Variants in PUS10 observed in about 807,000 individuals in gnomAD.
PUS10 encodes the protein tRNA pseudouridine synthase Pus10.
In PUS10, 59 loss-of-function variants were observed where a neutral mutation model predicts 75.0. The observed-to-expected ratio is 0.79, with a 90% CI of 0.64 to 0.98. The LOEUF is 0.98. Ranked by LOEUF, PUS10 falls within the 50% of genes least tolerant of loss-of-function variation. The pLI, the probability that PUS10 is intolerant of heterozygous loss-of-function variation, is 0.00. For synonymous variants in PUS10, 219 were observed against 211.6 expected, an observed-to-expected ratio of 1.03 and a Z score of -0.30; for missense variants, 650 against 614.4, an observed-to-expected ratio of 1.06 and a Z score of -0.61.
At chr2:60,999,493 C>T (rs1678705982) in intron 4 of PUS10, among the ~76,000 whole-genome samples, 1 of 152,080 alleles carries the variant, frequency 6.6e-6, no homozygotes, top group Admixed American at 6.6e-5. Flanking sequence ...GTGGCATGCA[C>T]CTGTGGTCCC....
chr2:61,012,771 T>C (rs1343453980), intron 1 of PUS10, among the ~76,000 whole-genome samples: 1 of 127,230 alleles, frequency 7.9e-6, no homozygotes, highest in Non-Finnish European at 1.6e-5. Context: ...GAGGTGGAGG[T>C]TGCAGTGAGC....
In PUS10 at chr2:60,945,054, C is replaced by T. The variant is rs1674856524; in HGVS notation, c.1506G>A (p.Gly502=). The change falls in exon 17 of 18, where the codon GGG becomes GGA. Residue 502 remains glycine (G), a synonymous_variant. Transcript: ENST00000316752. ...TGTCTGCAGTCACATTCATCAGGGA[C>T]CCAATGTTTGGCTTGGTTCTCCCGA... ...GDFGRTKPNI[G]SLMNVTADIL... 6.2e-7 allele frequency: 1 copy of T among 1,614,038 alleles called. No homozygotes were observed. The highest frequency in any genetic ancestry group is 8.5e-7 in the Non-Finnish European group (1 of 1,179,916).
intron 4 of PUS10, among the ~76,000 whole-genome samples, chr2:60,999,340 G>A (rs1678690847): frequency 6.6e-6 from 1 of 152,088 alleles, no homozygotes; most frequent in African/African-American, 2.4e-5. Flanking sequence ...CCACTATAGG[G>A]CCGGGTGCAG....
At chr2:61,006,936 C>A (rs1051767827) in intron 3 of PUS10, among the ~76,000 whole-genome samples, 1 of 152,132 alleles carries the variant, frequency 6.6e-6, no homozygotes, top group African/African-American at 2.4e-5. Flanking sequence ...ACAAAATAAA[C>A]CCAAATATAG....
intron 6 of PUS10, chr2:60,966,867 G>A (rs1676370936): frequency 6.6e-6 from 1 of 152,308 alleles, no homozygotes; most frequent in African/African-American, 2.4e-5. Context: ...GCAAAATGAT[G>A]AAGCAATGAG....
At chr2:60,942,979 C>T (rs1034158568) in intron 17 of PUS10, among the ~76,000 whole-genome samples, 4 of 144,850 alleles carry the variant, frequency 2.8e-5, no homozygotes, top group South Asian at 2.1e-4. Context: ...TGCAGTGAGC[C>T]GAAATCACGC....
At position 61,018,119 on chromosome 2, in the gene PUS10, G is replaced by C. The variant is rs367945635; in HGVS notation, c.-127C>G. The C allele has an allele frequency of 4.5e-4, 704 of 1,547,572 alleles. 1 individual carries two copies. Among genetic ancestry groups the C allele is most frequent in the Middle Eastern group, 4.0e-3 (22 of 5,434 alleles). On this transcript the variant is annotated 5_prime_UTR_variant, in exon 1 of 18. Transcript: ENST00000316752. ...CTGGGTCTCTGTGCTTGAAAGAAAG[G>C]GGGGCGGCTTCCTACCTACCGCTTC...
chr2:60,950,169 A>G (rs1675246354), intron 15 of PUS10, among the ~76,000 whole-genome samples: 1 of 152,212 alleles, frequency 6.6e-6, no homozygotes, highest in East Asian at 1.9e-4. Flanking sequence ...AGAACTGGAG[A>G]GGCCATTGGA....
At chr2:61,003,173 C>T (rs1053237278) in intron 4 of PUS10, among the ~76,000 whole-genome samples, 1 of 151,992 alleles carries the variant, frequency 6.6e-6, no homozygotes, top group African/African-American at 2.4e-5. Flanking sequence ...TAAATAAAAA[C>T]TATTGGGGCC....
In PUS10 at chr2:61,018,092, C is replaced by G; in HGVS notation, c.-100G>C. The stretch of plus-strand genomic sequence containing the variant: ...TTTTTTCGGGAGCTCCTGGGCGTCT[C>G]TCTGGGTCTCTGTGCTTGAAAGAAA... On this transcript the variant is annotated 5_prime_UTR_variant, in exon 1 of 18. Coordinates refer to ENST00000316752, the MANE Select transcript of PUS10 (RefSeq NM_144709.4). 6.5e-7 allele frequency: 1 copy of G among 1,538,594 alleles called. No individual in the cohort carries two copies. The highest frequency in any genetic ancestry group is 8.8e-7 in the Non-Finnish European group (1 of 1,141,878).
chr2:61,003,545 T>A (rs1403373129), intron 4 of PUS10, among the ~76,000 whole-genome samples: 2 of 151,842 alleles, frequency 1.3e-5, no homozygotes, highest in South Asian at 2.1e-4. Flanking sequence ...ATTTTATTGC[T>A]TAATTTTTTT....
intron 11 of PUS10, among the ~76,000 whole-genome samples, chr2:60,956,950 G>A (rs531129698): frequency 4.4e-5 from 6 of 136,584 alleles, no homozygotes; most frequent in East Asian, 4.1e-4. Flanking sequence ...ACTCCAGCCC[G>A]GGTGACAGAG....
intron 4 of PUS10, among the ~76,000 whole-genome samples, chr2:61,001,508 C>T (rs1286281330): frequency 6.6e-6 from 1 of 152,126 alleles, no homozygotes; most frequent in Non-Finnish European, 1.5e-5. Context: ...AACTCCTGAC[C>T]TCAGATGATC....
chr2:60,946,815 CATATATATATATCTAGTGTGTGTGTGTA>C (rs1558859259), intron 16 of PUS10, among the ~76,000 whole-genome samples: 3 of 143,966 alleles, frequency 2.1e-5, no homozygotes, highest in Non-Finnish European at 1.5e-5. Flanking sequence ...GCTTTTTTCC[CATATATATATATCTAGTGTGTGTGTGTA>C]ATATATATAT....
intron 4 of PUS10, among the ~76,000 whole-genome samples, chr2:60,993,818 C>T (rs1044716540): frequency 6.6e-6 from 1 of 151,910 alleles, no homozygotes; most frequent in Non-Finnish European, 1.5e-5. Context: ...GAGATGGAGT[C>T]TTGCTCTGTT....
chr2:61,017,791 C>A lies in PUS10; in HGVS notation c.-16+217G>T, dbSNP rs564528921. 55 of 1,550,428 alleles carry A rather than the reference C, an allele frequency of 3.5e-5. 1 individual carries two copies. The South Asian group carries it at 6.5e-4, about 18-fold the overall frequency. The stretch of plus-strand genomic sequence containing the variant: ...TCCCAGCCGCCACCTCCCCCCAAAC[C>A]CTGGGAGACCCGCCGAATTCCGGGA... On this transcript the variant is annotated intron_variant, in intron 1 of 17. Transcript: ENST00000316752.
chr2:61,014,839 T>C (rs1297855498), intron 1 of PUS10, among the ~76,000 whole-genome samples: 1 of 152,234 alleles, frequency 6.6e-6, no homozygotes, highest in Non-Finnish European at 1.5e-5. Flanking sequence ...GTCTGCGTTT[T>C]CCAAACCTCT....
At chr2:60,979,323 T>C (rs1264670478) in intron 4 of PUS10, among the ~76,000 whole-genome samples, 1 of 152,216 alleles carries the variant, frequency 6.6e-6, no homozygotes, top group Admixed American at 6.5e-5. Context: ...ATCCCCAGCA[T>C]GCTAGTGCCT....
At chr2:61,006,390 C>T (rs1396208780) in intron 4 of PUS10, among the ~76,000 whole-genome samples, 167 bp downstream of exon 4, 1 of 152,220 alleles carries the variant, frequency 6.6e-6, no homozygotes, top group Non-Finnish European at 1.5e-5. Context: ...TTGTCATTCA[C>T]TCACTCAACA....
Sources: allele counts gnomAD v4.1 joint callset (sites outside exome capture counted in the v4.1 genomes callset), GRCh38; gene constraint gnomAD v4.1.1; transcripts MANE v1.5; gene names NCBI Gene and HGNC (gene_info 2026-07-23, HGNC 2026-07-21).